Variants in AGBL1 observed in about 807,000 individuals in gnomAD.
AGBL1 encodes the protein cytosolic carboxypeptidase 4.
In AGBL1, 130 loss-of-function variants were observed where a neutral mutation model predicts 118.9. That is an observed-to-expected ratio of 1.09 (90% CI 0.95 to 1.26). The LOEUF (loss-of-function observed/expected upper bound fraction) is 1.26. AGBL1 is among the 50% of genes most tolerant of loss of function. The pLI is 0.00. For missense variants in AGBL1, 1,584 were observed against 1,298.1 expected (o/e 1.22, Z -3.38); for synonymous variants, 555 against 478.9 (o/e 1.16, Z -2.08).
chr15:86,080,613 T>C (rs1895203857), intron 1 of AGBL1, among the ~76,000 whole-genome samples: 1 of 152,150 alleles, frequency 6.6e-6, no homozygotes, highest in East Asian at 1.9e-4. Flanking sequence ...CATTCCTAAT[T>C]TTGAGAATTC....
At chr15:86,279,212 A>G (rs780613272) in intron 15 of AGBL1, among the ~76,000 whole-genome samples, 2 of 152,232 alleles carry the variant, frequency 1.3e-5, no homozygotes, top group Non-Finnish European at 2.9e-5. Flanking sequence ...GCGGAAAGGA[A>G]GGAGTTGAAT....
At chr15:86,622,746 G>C (rs1334136606) in intron 21 of AGBL1, among the ~76,000 whole-genome samples, 1 of 152,096 alleles carries the variant, frequency 6.6e-6, no homozygotes, top group Non-Finnish European at 1.5e-5. Flanking sequence ...GACTACGGGT[G>C]GGGCATACTT....
chr15:86,952,930 G>T (rs946491050), intron 23 of AGBL1, among the ~76,000 whole-genome samples: 19 of 152,150 alleles, frequency 1.2e-4, no homozygotes, highest in African/African-American at 4.6e-4. Flanking sequence ...TGAATAAGGA[G>T]TTCTCTCCCC....
chr15:86,726,749 C>T (rs1393949974), intron 22 of AGBL1, among the ~76,000 whole-genome samples: 1 of 152,006 alleles, frequency 6.6e-6, no homozygotes, highest in Non-Finnish European at 1.5e-5. Context: ...TTATTCTGTT[C>T]TCACTATGTT....
At chr15:86,371,834 C>T (rs980844851) in intron 17 of AGBL1, among the ~76,000 whole-genome samples, 7 of 152,124 alleles carry the variant, frequency 4.6e-5, no homozygotes, top group African/African-American at 1.7e-4. Context: ...TGTGTTTTGG[C>T]ACAATTTTGG....
chr15:86,291,856 T>TA (rs1484973417), intron 16 of AGBL1, among the ~76,000 whole-genome samples: 1 of 152,226 alleles, frequency 6.6e-6, no homozygotes. Flanking sequence ...CAATACCTGA[T>TA]ACTCGTTATT....
At chr15:86,899,611 A>G (rs2347456) in intron 22 of AGBL1, among the ~76,000 whole-genome samples, 108,808 of 151,992 alleles carry the variant, frequency 0.72, 39,804 homozygotes, top group African/African-American at 0.87. Context: ...GATAATACTT[A>G]TATATATTTA....
intron 21 of AGBL1, among the ~76,000 whole-genome samples, chr15:86,572,255 T>C (rs2084020642): frequency 6.6e-6 from 1 of 152,078 alleles, no homozygotes; most frequent in Admixed American, 6.5e-5. Flanking sequence ...GCAGGGAGGC[T>C]GCAGCTGCAC....
chr15:86,139,296 C>T (rs895307596), intron 1 of AGBL1, among the ~76,000 whole-genome samples: 14 of 151,804 alleles, frequency 9.2e-5, no homozygotes, highest in Non-Finnish European at 1.3e-4. Context: ...TCAGGGTTCT[C>T]TTCTGTATAA....
At chr15:86,468,356 C>T (rs2082433582) in intron 18 of AGBL1, among the ~76,000 whole-genome samples, 1 of 152,158 alleles carries the variant, frequency 6.6e-6, no homozygotes, top group Non-Finnish European at 1.5e-5. Flanking sequence ...CATGCTGAAG[C>T]TTAAATTACT....
At chr15:86,616,361 A>T (rs1486682133) in intron 21 of AGBL1, among the ~76,000 whole-genome samples, 1 of 151,778 alleles carries the variant, frequency 6.6e-6, no homozygotes, top group South Asian at 2.1e-4. Context: ...AAAAAAAAAA[A>T]AAAAAAAAAA....
At chr15:86,563,106 A>C (rs570175005) in intron 21 of AGBL1, among the ~76,000 whole-genome samples, 20 of 152,150 alleles carry the variant, frequency 1.3e-4, no homozygotes, top group Middle Eastern at 6.8e-3. Flanking sequence ...TCCTGGATTC[A>C]CTGATTTTTT....
intron 19 of AGBL1, among the ~76,000 whole-genome samples, chr15:86,525,314 CAT>C (rs2083248788): frequency 6.6e-6 from 1 of 151,846 alleles, no homozygotes; most frequent in Non-Finnish European, 1.5e-5. Context: ...TGAAAATCAC[CAT>C]ATTTCCCAAA....
intron 18 of AGBL1, among the ~76,000 whole-genome samples, chr15:86,506,986 A>G (rs189818891): frequency 3.2e-4 from 49 of 152,148 alleles, no homozygotes; most frequent in Admixed American, 2.8e-3. Flanking sequence ...CTTGAAGTGT[A>G]TATTTTAGTT....
chr15:86,761,264 C>T (rs1282107394), intron 22 of AGBL1, among the ~76,000 whole-genome samples: 1 of 152,054 alleles, frequency 6.6e-6, no homozygotes, highest in African/African-American at 2.4e-5. Context: ...CAAGCACTGA[C>T]TCTAACAAGA....
At chr15:86,180,950 T>TATTAAAAC (rs1340409432) in intron 5 of AGBL1, among the ~76,000 whole-genome samples, 9 of 152,212 alleles carry the variant, frequency 5.9e-5, no homozygotes, top group Non-Finnish European at 1.3e-4. Context: ...GGGAAATTCA[T>TATTAAAAC]ATTAAAACTG....
chr15:86,516,958 T>G (rs897322791), intron 18 of AGBL1, among the ~76,000 whole-genome samples: 8 of 152,328 alleles, frequency 5.3e-5, no homozygotes, highest in African/African-American at 1.9e-4. Flanking sequence ...TCTTTTGAAT[T>G]GCCCCATTGA....
intron 1 of AGBL1, among the ~76,000 whole-genome samples, chr15:86,106,671 C>G (rs1284765903): frequency 6.6e-6 from 1 of 152,194 alleles, no homozygotes; most frequent in African/African-American, 2.4e-5. Flanking sequence ...GTTGAGAACC[C>G]CACTCGATTC....
chr15:86,619,865 T>G (rs2084780190), intron 21 of AGBL1, among the ~76,000 whole-genome samples: 1 of 152,174 alleles, frequency 6.6e-6, no homozygotes, highest in Non-Finnish European at 1.5e-5. Context: ...GGAACTGAAA[T>G]GTACATGCAC....
Sources: gnomAD v4.1 joint callset for allele counts (sites outside exome capture counted in the v4.1 genomes callset) on GRCh38, gnomAD v4.1.1 for gene constraint, MANE v1.5 for transcripts, NCBI Gene and HGNC (gene_info 2026-07-23, HGNC 2026-07-21) for gene names.